Variants in STARD9 observed in about 807,000 individuals in gnomAD.
STARD9 encodes the protein stAR-related lipid transfer protein 9.
STARD9 carries 346 observed loss-of-function variants against 399.8 expected under a neutral mutation model. The observed-to-expected ratio is 0.87, with a 90% CI of 0.79 to 0.95. The LOEUF (loss-of-function observed/expected upper bound fraction) is 0.95, where lower values mean the gene tolerates loss of function less well. STARD9 is among the 40% of genes least tolerant of loss of function. The probability of loss-of-function intolerance (pLI) is 0.00; values close to 1 mark genes in which losing one functional copy is unlikely to be tolerated. For synonymous variants in STARD9, 2,203 were observed against 2,143.5 expected (o/e 1.03, Z -0.77); for missense variants, 5,832 against 5,667.5 (o/e 1.03, Z -0.93).
At chr15:42,603,893 G>T (rs74009102) in intron 3 of STARD9, among the ~76,000 whole-genome samples, 172 of 152,244 alleles carry the variant, frequency 1.1e-3, no homozygotes, top group African/African-American at 3.9e-3. Context: ...AAATACTTCA[G>T]TTCCTATCTA....
chr15:42,626,374 C>CTTCCTCTTCTTCCTT (rs71108174), intron 3 of STARD9, among the ~76,000 whole-genome samples: 2 of 148,734 alleles, frequency 1.3e-5, no homozygotes, highest in African/African-American at 2.5e-5. Context: ...TCTTCTTCCT[C>CTTCCTCTTCTTCCTT]CTCTTCCTCC....
rs1439992008 is a variant in STARD9, at chr15:42,720,573, G to C, written c.*999G>C. 2 of 152,198 alleles carry C rather than the reference G, an allele frequency of 1.3e-5. No homozygotes were observed. Among genetic ancestry groups the C allele is most frequent in the African/African-American group, 4.8e-5 (2 of 41,424 alleles). 9.4% of individuals were successfully genotyped at this position (152,198 alleles called of 1,614,324 possible). On this transcript the variant is annotated 3_prime_UTR_variant, in exon 33 of 33. Coordinates refer to ENST00000290607, the MANE Select transcript of STARD9 (RefSeq NM_020759.3). ...ACCTATCCTAGGATGGGGTGGGATG[G>C]AGAGTGGGTTCAGTTTTCTTGTACT...
chr15:42,641,822 G>A (rs1446653199), intron 7 of STARD9, among the ~76,000 whole-genome samples: 1 of 151,720 alleles, frequency 6.6e-6, no homozygotes, highest in East Asian at 1.9e-4. Context: ...TCAGGCTGGT[G>A]TTGAACTCCT....
chr15:42,686,116 T>G lies in STARD9; in HGVS notation c.4538T>G (p.Leu1513Arg). 1 of 1,537,236 alleles carries G rather than the reference T, an allele frequency of 6.5e-7. No individual in the cohort carries two copies. Among genetic ancestry groups the G allele is most frequent in the Non-Finnish European group, 8.7e-7 (1 of 1,146,912 alleles). The change falls in exon 23 of 33, where the codon CTT becomes CGT. Residue 1513 changes from leucine (L) to arginine (R), a missense_variant. Around this residue, in one of 2 missense-constraint regions of STARD9, gnomAD observed 5,828 missense variants for 5,651.1 expected, o/e 1.03. Coordinates refer to ENST00000290607, the MANE Select transcript of STARD9 (RefSeq NM_020759.3). ...IGAPKPAYPYLEEDSGSLAQA... is the reference protein window; with the variant it reads ...IGAPKPAYPYREEDSGSLAQA... ...GCACCCAAGCCAGCTTACCCCTACC[T>G]TGAGGAAGACTCTGGTTCCCTGGCC... is the stretch of plus-strand genomic sequence containing the variant.
In STARD9 at chr15:42,692,891, G is replaced by A; in HGVS notation, c.11313G>A (p.Val3771=). ...LEGLGSDTST[V]SQEEGDVPGV... ...GGCTAGGCTCAGATACCTCGACTGTGTCTCAAGAAGAGGGAGATGTGCCAG... is the reference window on the plus strand; with the variant it reads ...GGCTAGGCTCAGATACCTCGACTGTATCTCAAGAAGAGGGAGATGTGCCAG... The change falls in exon 23 of 33, where the codon GTG becomes GTA. Residue 3771 remains valine (V), a synonymous_variant. Transcript: ENST00000290607. The A allele has an allele frequency of 1.3e-6, 2 of 1,537,256 alleles. No homozygotes were observed. Among genetic ancestry groups the A allele is most frequent in the African/African-American group, 2.7e-5 (2 of 73,148 alleles).
At chr15:42,602,418 A>G (rs548487845) in intron 3 of STARD9, among the ~76,000 whole-genome samples, 1 of 152,356 alleles carries the variant, frequency 6.6e-6, no homozygotes, top group East Asian at 1.9e-4. Context: ...GGAATTGGAC[A>G]AAATGCCCAG....
chr15:42,690,384 G>A lies in STARD9; in HGVS notation c.8806G>A (p.Gly2936Ser), dbSNP rs1566944377. The A allele has an allele frequency of 6.5e-7, 1 of 1,537,260 alleles. No homozygotes were observed. Among genetic ancestry groups the A allele is most frequent in the Non-Finnish European group, 8.7e-7 (1 of 1,146,910 alleles). Residue 2936 changes from glycine to serine, a missense_variant, in exon 23 of 33, where the codon GGC becomes AGC. Transcript: ENST00000290607. ...DGPVFSRNPE[G>S]SRTLSPSRGK... Reference sequence around the variant, plus strand: ...CCCTGTCTTCTCAAGGAACCCTGAAGGCAGCAGGACTCTCAGCCCGTCTAG... The same window carrying A: ...CCCTGTCTTCTCAAGGAACCCTGAAAGCAGCAGGACTCTCAGCCCGTCTAG...
At chr15:42,642,968 G>GT (rs2059570718) in intron 7 of STARD9, among the ~76,000 whole-genome samples, 1 of 150,866 alleles carries the variant, frequency 6.6e-6, no homozygotes. Flanking sequence ...CCAGCTAATT[G>GT]TTTTTTATTT....
chr15:42,702,877 T>C (rs988033024), intron 26 of STARD9, among the ~76,000 whole-genome samples: 3 of 152,164 alleles, frequency 2.0e-5, no homozygotes, highest in Admixed American at 2.0e-4. Context: ...GCCTGTAAGG[T>C]TTTTGCCGAG....
intron 26 of STARD9, among the ~76,000 whole-genome samples, chr15:42,705,555 A>C (rs2061057955): frequency 6.6e-6 from 1 of 151,112 alleles, no homozygotes. Context: ...CTGGCTCAGC[A>C]CTCCGAGTAC....
chr15:42,682,537 C>T lies in STARD9; in HGVS notation c.2499C>T (p.Pro833=), dbSNP rs1306238620. Residue 833 remains proline, a synonymous_variant, in exon 22 of 33, where the codon CCC becomes CCT. Transcript: ENST00000290607. The part of the protein sequence containing the change: ...SKLTSCSSLS[P]QRLCSKHMPQ... ...TGACGAGTTGCAGTTCTTTGAGCCC[C>T]CAAAGACTCTGCAGCAAGCACATGC... 2 of 1,536,978 alleles carry T rather than the reference C, an allele frequency of 1.3e-6. No individual in the cohort carries two copies. The highest frequency in any genetic ancestry group is 3.9e-5 in the Admixed American group (2 of 50,974).
At chr15:42,626,441 C>CTCCTCCTCCTCTTCCTTCTCCTCT (rs1566885106) in intron 3 of STARD9, among the ~76,000 whole-genome samples, 2 of 148,902 alleles carry the variant, frequency 1.3e-5, no homozygotes, top group African/African-American at 5.0e-5. Context: ...CTTCTTCCTT[C>CTCCTCCTCCTCTTCCTTCTCCTCT]TCCTCCTCCT....
chr15:42,692,543 C>T lies in STARD9; in HGVS notation c.10965C>T (p.Asp3655=). 6.5e-7 allele frequency: 1 copy of T among 1,537,212 alleles called. No homozygotes were observed. The highest frequency in any genetic ancestry group is 1.2e-5 in the South Asian group (1 of 84,066). Residue 3655 remains aspartate, a synonymous_variant, in exon 23 of 33, where the codon GAC becomes GAT. Transcript: ENST00000290607. ...GCAGGCGCCACTGGAGCAGCACTGA[C>T]ATCTCCTTTGCTCAGCCTGAAGCCA... ...LGSRRHWSST[D]ISFAQPEASA...
intron 16 of STARD9, chr15:42,671,122 G>A (rs1466048366): frequency 1.4e-5 from 2 of 140,802 alleles, no homozygotes; most frequent in Non-Finnish European, 3.0e-5. Context: ...AGATAGGATT[G>A]CTGATTTTTT....
chr15:42,665,281 TC>T lies in STARD9; in HGVS notation c.1206del (p.Arg403GlufsTer7). On this transcript the variant is annotated frameshift_variant, in exon 14 of 33. Coordinates refer to ENST00000290607, the MANE Select transcript of STARD9 (RefSeq NM_020759.3). LOFTEE classifies it high-confidence loss of function. ...EDANLKLIRE[L>X]REEIERLKAL... ...GCAAACTTAAAACTGATTAGAGAAC[TC>T]AGAGAAGAGATTGAAAGACTGAAAG... The T allele has an allele frequency of 2.6e-6, 4 of 1,537,136 alleles. No homozygotes were observed. The highest frequency in any genetic ancestry group is 3.5e-6 in the Non-Finnish European group (4 of 1,146,812).
intron 3 of STARD9, among the ~76,000 whole-genome samples, chr15:42,588,839 G>C: frequency 7.6e-6 from 1 of 131,542 alleles, no homozygotes; most frequent in African/African-American, 3.1e-5. Flanking sequence ...GGGGTGTGTG[G>C]ACAGAGTCTT....
At chr15:42,624,349 A>G (rs2141866321) in intron 3 of STARD9, among the ~76,000 whole-genome samples, 1 of 152,272 alleles carries the variant, frequency 6.6e-6, no homozygotes, top group East Asian at 1.9e-4. Context: ...ATATAACAAA[A>G]CAAGGTTCAG....
chr15:42,618,704 C>G (rs925778728), intron 3 of STARD9, among the ~76,000 whole-genome samples: 1 of 151,876 alleles, frequency 6.6e-6, no homozygotes, highest in African/African-American at 2.4e-5. Context: ...TCAAGCGATT[C>G]TCCTGCCGCA....
At chr15:42,611,046 T>A (rs867613298) in intron 3 of STARD9, among the ~76,000 whole-genome samples, 2 of 152,206 alleles carry the variant, frequency 1.3e-5, no homozygotes, top group Non-Finnish European at 1.5e-5. Context: ...TCTTGCTTTT[T>A]TCCCCCTTTT....
Sources: gnomAD v4.1 joint callset for allele counts (sites outside exome capture counted in the v4.1 genomes callset) on GRCh38, gnomAD v4.1.1 for gene constraint, gnomAD v4.1.1 regional missense constraint, MANE v1.5 for transcripts, NCBI Gene and HGNC (gene_info 2026-07-23, HGNC 2026-07-21) for gene names.